WDPCP: variants seen among roughly 807,000 people sequenced by gnomAD.
The protein encoded by WDPCP is WD repeat containing planar cell polarity effector, also known as WD repeat-containing and planar cell polarity effector protein fritz homolog.
WDPCP carries 71 observed loss-of-function variants against 93.1 expected under a neutral mutation model. The observed-to-expected ratio is 0.76, with a 90% CI of 0.63 to 0.93. WDPCP has a LOEUF of 0.93. Ranked by LOEUF, WDPCP falls within the 40% of genes least tolerant of loss-of-function variation. WDPCP has a pLI of 0.00. For missense variants in WDPCP, 844 were observed against 887.4 expected, an observed-to-expected ratio of 0.95 and a Z score of 0.62; for synonymous variants, 315 against 315.0, an observed-to-expected ratio of 1.00 and a Z score of 0.00.
intron 12 of WDPCP, among the ~76,000 whole-genome samples, chr2:63,344,865 A>G (rs1689086689): frequency 6.6e-6 from 1 of 152,174 alleles, no homozygotes; most frequent in Admixed American, 6.5e-5. Flanking sequence ...ACCACACCAG[A>G]AATGTCCTTA....
chr2:63,287,516 A>G (rs13431584), intron 13 of WDPCP, among the ~76,000 whole-genome samples: 96,063 of 151,980 alleles, frequency 0.63, 31,382 homozygotes, highest in East Asian at 0.87. Context: ...AGAACTTTTT[A>G]GTGCTCCTCC....
intron 12 of WDPCP, among the ~76,000 whole-genome samples, chr2:63,340,002 G>T (rs555237414): frequency 1.3e-5 from 2 of 152,040 alleles, no homozygotes; most frequent in African/African-American, 4.8e-5. Flanking sequence ...CATGTTTAGC[G>T]TCAGTCACTG....
At chr2:63,434,071 G>T in intron 8 of WDPCP, 135 bp from the exon 9 acceptor site, 2 of 877,556 alleles carry the variant, frequency 2.3e-6, no homozygotes, top group South Asian at 1.7e-5. Flanking sequence ...TGCGTAAGAA[G>T]GTGTCAGAAT....
At chr2:63,148,789 G>A (rs887153477) in intron 17 of WDPCP, among the ~76,000 whole-genome samples, 4 of 152,156 alleles carry the variant, frequency 2.6e-5, no homozygotes, top group Admixed American at 1.3e-4. Flanking sequence ...TACAAGATGA[G>A]TCTGGGACAT....
rs1436158384 is a variant in WDPCP, at chr2:63,722,565, G to C, written n.309-71727C>G. ...CCCCATCCGGGAGGGAGGTGGGGGG[G>C]GGTCAGCCCCCCGCCCGGCCAGCCG... On this transcript the variant is annotated intron_variant and non_coding_transcript_variant, in intron 2 of 4. Coordinates refer to the WDPCP transcript ENST00000467687. 1.2e-4 allele frequency among the ~76,000 whole-genome samples: 17 copies of C among 143,462 alleles called. 3 individuals are homozygous for C. The highest frequency in any genetic ancestry group is 4.7e-4 in the Admixed American group (7 of 14,744). The allele number at this position is 143,462 out of a possible 152,430, so 94.1% of individuals were successfully genotyped here. A position where few individuals can be genotyped will look rare whatever the true frequency, so the allele number is the denominator to read the frequency against.
chr2:63,224,666 T>G (rs528074338), intron 14 of WDPCP, among the ~76,000 whole-genome samples: 73 of 152,022 alleles, frequency 4.8e-4, no homozygotes, highest in Non-Finnish European at 9.6e-4. Flanking sequence ...TCCAACTATG[T>G]GACATTCTAG....
chr2:63,145,443 C>T (rs910832910), intron 17 of WDPCP, among the ~76,000 whole-genome samples: 5 of 152,090 alleles, frequency 3.3e-5, no homozygotes, highest in South Asian at 4.1e-4. Context: ...CCTGCTGTGG[C>T]GGATGGGGGT....
chr2:63,149,306 C>G (rs1448480458), intron 17 of WDPCP, among the ~76,000 whole-genome samples: 1 of 152,172 alleles, frequency 6.6e-6, no homozygotes, highest in East Asian at 1.9e-4. Context: ...AAATTAAAAC[C>G]TCAATGAGAA....
At chr2:63,579,906 G>C (rs1708384754) in intron 1 of WDPCP, among the ~76,000 whole-genome samples, 1 of 152,146 alleles carries the variant, frequency 6.6e-6, no homozygotes, top group East Asian at 1.9e-4. Context: ...TGAGGGTTCT[G>C]TCCTCATAAA....
chr2:63,484,700 T>C (rs1700462646), intron 5 of WDPCP, 37 bp from the exon 6 acceptor site: 1 of 1,611,730 alleles, frequency 6.2e-7, no homozygotes, highest in Non-Finnish European at 8.5e-7. Flanking sequence ...CGTAGTTGGC[T>C]GTACACATTG....
chr2:63,557,166 C>G (rs1015712770), intron 1 of WDPCP, among the ~76,000 whole-genome samples: 1 of 151,816 alleles, frequency 6.6e-6, no homozygotes, highest in African/African-American at 2.4e-5. Context: ...CTCATTTAAC[C>G]GTAAATGTAA....
At chr2:63,329,645 A>T (rs887125961) in intron 12 of WDPCP, among the ~76,000 whole-genome samples, 1 of 152,232 alleles carries the variant, frequency 6.6e-6, no homozygotes, top group East Asian at 1.9e-4. Flanking sequence ...CTTCCCCCAA[A>T]GGTCTTTTCA....
chr2:63,510,008 A>G (rs1262145978), intron 1 of WDPCP, among the ~76,000 whole-genome samples: 1 of 151,582 alleles, frequency 6.6e-6, no homozygotes, highest in Non-Finnish European at 1.5e-5. Flanking sequence ...AGGTACAAAG[A>G]GGAGCTGGTA....
chr2:63,602,278 G>A (rs556024189), intron 3 of WDPCP, among the ~76,000 whole-genome samples: 5 of 151,086 alleles, frequency 3.3e-5, no homozygotes, highest in Admixed American at 6.6e-5. Flanking sequence ...AAGACCAGTC[G>A]AGTCATTGCA....
At position 63,180,717 on chromosome 2, in the gene WDPCP, G is replaced by C. The variant is rs1674176815; in HGVS notation, c.1916-5885C>G. Among the ~76,000 whole-genome samples the C allele has an allele frequency of 2.0e-5, 3 of 152,074 alleles. No individual in the cohort carries two copies. The South Asian group carries it at 6.2e-4, about 31-fold the overall frequency. On this transcript the variant is annotated intron_variant, in intron 14 of 17. Transcript: ENST00000272321. Reference sequence around the variant, plus strand: ...TAGCCAGTAGTGGGATTGCTGCCTAGAATGGCAGTTCTATTTGCAGTTCTA... The same window carrying C: ...TAGCCAGTAGTGGGATTGCTGCCTACAATGGCAGTTCTATTTGCAGTTCTA...
chr2:63,578,635 G>A (rs1427447434), intron 1 of WDPCP, among the ~76,000 whole-genome samples: 2 of 152,118 alleles, frequency 1.3e-5, no homozygotes, highest in African/African-American at 4.8e-5. Context: ...CAACAGCAGC[G>A]ATGAACTCCC....
chr2:63,439,633 T>C (rs1005967778), intron 7 of WDPCP, 124 bp downstream of exon 7: 1 of 797,772 alleles, frequency 1.3e-6, no homozygotes, highest in African/African-American at 1.7e-5. Context: ...AAGTACGCTA[T>C]TACAAGCAAT....
chr2:63,324,086 C>T (rs1333494423), intron 12 of WDPCP, among the ~76,000 whole-genome samples: 2 of 152,030 alleles, frequency 1.3e-5, no homozygotes, highest in Admixed American at 1.3e-4. Flanking sequence ...CAGCCTGGCC[C>T]CAATATTCTC....
intron 1 of WDPCP, among the ~76,000 whole-genome samples, chr2:63,586,708 G>A (rs1216600884): frequency 6.6e-6 from 1 of 152,200 alleles, no homozygotes; most frequent in African/African-American, 2.4e-5. Context: ...CTACCACACA[G>A]GTGACTTCAA....
Sources: gnomAD v4.1 joint callset for allele counts (sites outside exome capture counted in the v4.1 genomes callset) on GRCh38, gnomAD v4.1.1 for gene constraint, MANE v1.5 for transcripts, NCBI Gene and HGNC (gene_info 2026-07-23, HGNC 2026-07-21) for gene names.